ACTR3C: variants seen among roughly 807,000 people sequenced by gnomAD.
ACTR3C encodes actin related protein 3C.
ACTR3C carries 18 observed loss-of-function variants against 26.3 expected under a neutral mutation model. The observed-to-expected ratio is 0.68, with a 90% CI of 0.47 to 1.01. The LOEUF is 1.01. ACTR3C is among the 50% of genes least tolerant of loss of function. The pLI is 0.00. For synonymous variants in ACTR3C, 55 were observed against 94.5 expected (o/e 0.58, Z 2.42); for missense variants, 184 against 250.7 (o/e 0.73, Z 1.80).
At chr7:150,319,289 G>A (rs1396815013) in intron 1 of ACTR3C, among the ~76,000 whole-genome samples, 1 of 151,228 alleles carries the variant, frequency 6.6e-6, no homozygotes, top group African/African-American at 2.4e-5. Flanking sequence ...CTCACCACAA[G>A]CTCCGCCTCT....
chr7:150,049,060 G>C, the ACTR3C span, among the ~76,000 whole-genome samples: 3 of 152,058 alleles, frequency 2.0e-5, no homozygotes, highest in South Asian at 6.2e-4. Flanking sequence ...CCCGCCGAGA[G>C]CGAGGGAGGG....
At chr7:150,170,893 T>G in the ACTR3C span, among the ~76,000 whole-genome samples, 6 of 142,722 alleles carry the variant, frequency 4.2e-5, no homozygotes, top group Admixed American at 2.1e-4. Context: ...AGGGATCATT[T>G]CACAATGATA....
chr7:150,287,588 G>A (rs552110952), intron 4 of ACTR3C, among the ~76,000 whole-genome samples: 3 of 152,344 alleles, frequency 2.0e-5, no homozygotes, highest in South Asian at 4.1e-4. Context: ...CTGGCGCTGA[G>A]CACACTGTGG....
the ACTR3C span, among the ~76,000 whole-genome samples, chr7:150,087,542 T>G: frequency 6.6e-6 from 1 of 152,220 alleles, no homozygotes; most frequent in Non-Finnish European, 1.5e-5. Context: ...AAGGGCTCTC[T>G]GCTTAGGGCT....
At chr7:150,006,012 AC>A in the ACTR3C span, among the ~76,000 whole-genome samples, 1 of 152,036 alleles carries the variant, frequency 6.6e-6, no homozygotes, top group Non-Finnish European at 1.5e-5. Context: ...CTGAGATTCT[AC>A]CTGCACCCCT....
chr7:150,285,300 G>A (rs1835683399), intron 5 of ACTR3C, among the ~76,000 whole-genome samples: 2 of 152,212 alleles, frequency 1.3e-5, no homozygotes, highest in South Asian at 4.1e-4. Context: ...ATGCAGGGAA[G>A]TGTTTTGTTT....
the ACTR3C span, among the ~76,000 whole-genome samples, chr7:149,894,416 T>A: frequency 6.6e-6 from 1 of 152,162 alleles, no homozygotes; most frequent in African/African-American, 2.4e-5. Flanking sequence ...AAAAGTCTTC[T>A]GCACAGCAAA....
At chr7:150,198,756 G>A in the ACTR3C span, among the ~76,000 whole-genome samples, 2 of 146,142 alleles carry the variant, frequency 1.4e-5, no homozygotes, top group African/African-American at 2.7e-5. Context: ...GGGAGGTGGG[G>A]GGGGGTCAGC....
the ACTR3C span, among the ~76,000 whole-genome samples, chr7:150,121,026 A>G: frequency 6.6e-6 from 1 of 152,334 alleles, no homozygotes; most frequent in East Asian, 1.9e-4. Flanking sequence ...CTTTGATAAA[A>G]TTCAACACCC....
chr7:150,058,956 G>A, the ACTR3C span, among the ~76,000 whole-genome samples: 2 of 151,762 alleles, frequency 1.3e-5, no homozygotes, highest in Non-Finnish European at 2.9e-5. Flanking sequence ...ATGAGAAGAA[G>A]GGGCCAGTGT....
the ACTR3C span, among the ~76,000 whole-genome samples, chr7:150,020,329 G>T: frequency 1.3e-5 from 2 of 152,158 alleles, no homozygotes; most frequent in South Asian, 4.1e-4. Context: ...TTTCCTGGAG[G>T]GAGGAATCTG....
At chr7:150,067,436 T>C in the ACTR3C span, among the ~76,000 whole-genome samples, 1 of 152,206 alleles carries the variant, frequency 6.6e-6, no homozygotes, top group Non-Finnish European at 1.5e-5. Context: ...AAGCCAAGTA[T>C]GTTTATATTT....
At chr7:150,104,327 A>G in the ACTR3C span, among the ~76,000 whole-genome samples, 1 of 152,006 alleles carries the variant, frequency 6.6e-6, no homozygotes, top group African/African-American at 2.4e-5. Context: ...ACATCTTTCT[A>G]AGACAGGAGG....
At chr7:150,251,336 A>G (rs574233850) in intron 6 of ACTR3C, among the ~76,000 whole-genome samples, 1 of 152,336 alleles carries the variant, frequency 6.6e-6, no homozygotes, top group Non-Finnish European at 1.5e-5. Flanking sequence ...GATGTCTTTA[A>G]AACTAAAATT....
At chr7:150,165,780 T>G in the ACTR3C span, among the ~76,000 whole-genome samples, 1 of 146,976 alleles carries the variant, frequency 6.8e-6, no homozygotes, top group Non-Finnish European at 1.5e-5. Flanking sequence ...TCCCTCTACC[T>G]CTGTACACCT....
the ACTR3C span, among the ~76,000 whole-genome samples, chr7:149,939,164 GA>G: frequency 2.4e-4 from 36 of 151,856 alleles, no homozygotes; most frequent in African/African-American, 8.5e-4. Context: ...ATTTTTAGTA[GA>G]GACGGAATTT....
the ACTR3C span, among the ~76,000 whole-genome samples, chr7:150,231,599 T>C: frequency 6.6e-6 from 1 of 150,844 alleles, no homozygotes; most frequent in African/African-American, 2.4e-5. Context: ...CTTTTCTTCA[T>C]AAATTATCCA....
chr7:150,124,683 A>G, the ACTR3C span, among the ~76,000 whole-genome samples: 1 of 151,990 alleles, frequency 6.6e-6, no homozygotes, highest in Non-Finnish European at 1.5e-5. Context: ...ACCCTTACTC[A>G]GGTTTGCAGT....
the ACTR3C span, among the ~76,000 whole-genome samples, chr7:149,992,923 A>C: frequency 1.1e-4 from 17 of 152,186 alleles, no homozygotes; most frequent in Non-Finnish European, 2.2e-4. Flanking sequence ...ACTGTGGCCA[A>C]AGGCTGGAGA....
Sources: allele counts gnomAD v4.1 joint callset (sites outside exome capture counted in the v4.1 genomes callset), GRCh38; gene constraint gnomAD v4.1.1; transcripts MANE v1.5; gene names NCBI Gene and HGNC (gene_info 2026-07-23, HGNC 2026-07-21).